Variants in SENP7 observed in about 807,000 individuals in gnomAD.
The protein encoded by SENP7 is SUMO specific peptidase 7.
In SENP7, 64 loss-of-function variants were observed where a neutral mutation model predicts 141.2. The ratio of observed to expected loss-of-function variants is 0.45; its 90% CI spans 0.37 to 0.56. The LOEUF (loss-of-function observed/expected upper bound fraction) is 0.56, where lower values mean the gene tolerates loss of function less well. SENP7 is among the 20% of genes least tolerant of loss of function. The pLI is 0.00. For synonymous variants in SENP7, 382 were observed against 426.4 expected, an observed-to-expected ratio of 0.90 and a Z score of 1.28; for missense variants, 1,025 against 1,212.2, an observed-to-expected ratio of 0.85 and a Z score of 2.29.
rs78026983 is a variant in SENP7, at chr3:101,380,700, A to G, written c.678-8574T>C. Among the ~76,000 whole-genome samples the G allele has an allele frequency of 9.6e-3, 1,461 of 152,072 alleles. 97 individuals carry two copies. In the East Asian group the frequency reaches 0.18, roughly 19 times the overall value. On this transcript the variant is annotated intron_variant, in intron 6 of 23. Coordinates refer to ENST00000394095, the MANE Select transcript of SENP7 (RefSeq NM_020654.5). Reference sequence around the variant, plus strand: ...AGCAGACCAAATAAAAAGCATAAAGAAAAATAGTAGTATAAAATATAAACA... The same window carrying G: ...AGCAGACCAAATAAAAAGCATAAAGGAAAATAGTAGTATAAAATATAAACA...
intron 2 of SENP7, 50 bp from the exon 3 acceptor site, chr3:101,494,018 G>T: frequency 8.9e-7 from 1 of 1,124,384 alleles, no homozygotes; most frequent in Non-Finnish European, 1.3e-6. Flanking sequence ...ATATACAAGA[G>T]CTAATTCAGC....
chr3:101,448,870 G>C (rs2063002514), intron 4 of SENP7, among the ~76,000 whole-genome samples: 1 of 152,168 alleles, frequency 6.6e-6, no homozygotes, highest in Admixed American at 6.5e-5. Context: ...AACAAAGCTG[G>C]ACAGAGAATG....
chr3:101,458,828 T>C, intron 4 of SENP7, 127 bp downstream of exon 4: 1 of 583,380 alleles, frequency 1.7e-6, no homozygotes, highest in Admixed American at 2.7e-5. Context: ...AATCTTAGAG[T>C]CCACTGAATT....
At chr3:101,478,163 A>G (rs541974680) in intron 3 of SENP7, among the ~76,000 whole-genome samples, 1 of 152,212 alleles carries the variant, frequency 6.6e-6, no homozygotes, top group South Asian at 2.1e-4. Flanking sequence ...GACACATACA[A>G]CCTATCGAGA....
At chr3:101,397,909 T>A (rs184322885) in intron 6 of SENP7, among the ~76,000 whole-genome samples, 1 of 152,304 alleles carries the variant, frequency 6.6e-6, no homozygotes, top group East Asian at 1.9e-4. Flanking sequence ...TAACTGACCA[T>A]CCCTAGCTTT....
At chr3:101,451,163 C>A (rs931022242) in intron 4 of SENP7, among the ~76,000 whole-genome samples, 2 of 152,156 alleles carry the variant, frequency 1.3e-5, no homozygotes, top group African/African-American at 4.8e-5. Flanking sequence ...AAGACTAAAT[C>A]AGGAAGAAGT....
At chr3:101,355,992 C>T (rs1381629478) in intron 11 of SENP7, among the ~76,000 whole-genome samples, 1 of 151,740 alleles carries the variant, frequency 6.6e-6, no homozygotes, top group East Asian at 1.9e-4. Context: ...GATTGCATTC[C>T]TGATTTGGCT....
intron 10 of SENP7, among the ~76,000 whole-genome samples, chr3:101,364,004 G>A (rs997594023): frequency 3.9e-5 from 6 of 152,146 alleles, no homozygotes; most frequent in Non-Finnish European, 7.4e-5. Context: ...GATTGCTTGA[G>A]CCCAGTAGTT....
At chr3:101,439,297 A>C (rs2062536755) in intron 4 of SENP7, among the ~76,000 whole-genome samples, 1 of 86,680 alleles carries the variant, frequency 1.2e-5, no homozygotes, top group African/African-American at 4.4e-5. Flanking sequence ...TCTGCCTGGC[A>C]ACCACCCCGT....
At chr3:101,419,967 C>G (rs1259876873) in intron 4 of SENP7, among the ~76,000 whole-genome samples, 1 of 152,244 alleles carries the variant, frequency 6.6e-6, no homozygotes, top group African/African-American at 2.4e-5. Flanking sequence ...AGTGAAAATG[C>G]GATTCAGAAC....
At chr3:101,473,340 C>T (rs1320924302) in intron 3 of SENP7, among the ~76,000 whole-genome samples, 2 of 152,178 alleles carry the variant, frequency 1.3e-5, no homozygotes, top group Non-Finnish European at 1.5e-5. Flanking sequence ...AACTAATTTA[C>T]ACTCCCACCA....
intron 15 of SENP7, among the ~76,000 whole-genome samples, chr3:101,341,355 T>A (rs1176986244): frequency 6.6e-6 from 1 of 152,230 alleles, no homozygotes; most frequent in Non-Finnish European, 1.5e-5. Context: ...GTAGAATTTT[T>A]AAAATCATAC....
Position 101,459,018 on chromosome 3 carries a change from A to G in SENP7, c.221T>C (p.Leu74Pro). ...GATATGTTTTTTATTTTTATGGTCT[A>G]GAGAGATGACTTTATTCCTTAGGCT... ...ERSLRNKVIS[L>P]DHKNKKHIRG... Residue 74 changes from leucine (L) to proline (P), a missense_variant, in exon 4 of 24, where the codon CTA (leucine) becomes CCA (proline). Physicochemically the swap from Leu to Pro is moderately conservative, Grantham distance 98 (BLOSUM62 -3). Around this residue, in one of 4 missense-constraint regions of SENP7, gnomAD observed 496 missense variants for 503.5 expected, o/e 0.99. Transcript: ENST00000394095. 6.2e-7 allele frequency: 1 copy of G among 1,606,404 alleles called. No homozygotes were observed. Among genetic ancestry groups the G allele is most frequent in the Non-Finnish European group, 8.5e-7 (1 of 1,175,696 alleles).
chr3:101,461,022 A>G lies in SENP7; in HGVS notation c.187-1970T>C, dbSNP rs1270564221. On this transcript the variant is annotated intron_variant, in intron 3 of 23. Coordinates refer to ENST00000394095, the MANE Select transcript of SENP7 (RefSeq NM_020654.5). ...AGACAAAAATAGTTTTTAATGGGCA[A>G]AGAATGTGAATAGATATTTCTCCAA... is the stretch of plus-strand genomic sequence containing the variant. Among the ~76,000 whole-genome samples, 3 of 152,296 alleles carry G rather than the reference A, an allele frequency of 2.0e-5. No individual in the cohort carries two copies. In the East Asian group the frequency reaches 5.8e-4, roughly 29 times the overall value.
At chr3:101,460,087 T>G (rs895975197) in intron 3 of SENP7, among the ~76,000 whole-genome samples, 11 of 152,144 alleles carry the variant, frequency 7.2e-5, no homozygotes, top group Non-Finnish European at 1.6e-4. Context: ...CTGAAAGACT[T>G]TATTAACTAT....
At position 101,476,904 on chromosome 3, in the gene SENP7, G is replaced by A. The variant is rs147069757; in HGVS notation, c.186+16969C>T. On this transcript the variant is annotated intron_variant, in intron 3 of 23. Coordinates refer to ENST00000394095, the MANE Select transcript of SENP7 (RefSeq NM_020654.5). ...TGGCCGCATAAATGTCTTCTTTTGA[G>A]AAGTGTCTGTTCATATCCTTCGCCC... 3.2e-3 allele frequency among the ~76,000 whole-genome samples: 488 copies of A among 152,324 alleles called. 6 individuals are homozygous for A. Among genetic ancestry groups the A allele is most frequent in the African/African-American group, 0.011 (478 of 41,576 alleles).
At chr3:101,388,382 C>T (rs549513441) in intron 6 of SENP7, among the ~76,000 whole-genome samples, 8 of 152,316 alleles carry the variant, frequency 5.3e-5, no homozygotes, top group East Asian at 1.9e-4. Context: ...CCACCACTGA[C>T]GTTGATTATA....
chr3:101,481,997 G>A (rs552354782), intron 3 of SENP7, among the ~76,000 whole-genome samples: 237 of 152,082 alleles, frequency 1.6e-3, no homozygotes, highest in Non-Finnish European at 2.8e-3. Flanking sequence ...ACACAATATC[G>A]TTTACATTAG....
intron 4 of SENP7, among the ~76,000 whole-genome samples, chr3:101,437,189 C>G (rs914969416): frequency 6.6e-6 from 1 of 152,050 alleles, no homozygotes; most frequent in African/African-American, 2.4e-5. Context: ...ATTCATGGAC[C>G]TAGAGAGTAG....
Sources: gnomAD v4.1 joint callset for allele counts (sites outside exome capture counted in the v4.1 genomes callset) on GRCh38, gnomAD v4.1.1 for gene constraint, gnomAD v4.1.1 regional missense constraint, MANE v1.5 for transcripts, NCBI Gene and HGNC (gene_info 2026-07-23, HGNC 2026-07-21) for gene names.